Variants in CUX1 observed in about 807,000 individuals in gnomAD.
CUX1 encodes the protein protein CASP.
Under a neutral mutation model 158.8 loss-of-function variants are expected in CUX1, and 31 were observed. The observed-to-expected ratio is 0.20, with a 90% CI of 0.15 to 0.26. The LOEUF (loss-of-function observed/expected upper bound fraction) is 0.26. Among genes scored for constraint, CUX1 ranks in the 10% least tolerant of loss-of-function variants. The pLI is 1.00. For missense variants in CUX1, 1,589 were observed against 2,014.6 expected, an observed-to-expected ratio of 0.79 and a Z score of 4.04; for synonymous variants, 879 against 862.1, an observed-to-expected ratio of 1.02 and a Z score of -0.34.
At chr7:101,993,093 G>A (rs980748135) in intron 2 of CUX1, among the ~76,000 whole-genome samples, 2 of 152,134 alleles carry the variant, frequency 1.3e-5, no homozygotes, top group African/African-American at 4.8e-5. Flanking sequence ...ACTTTGAGAG[G>A]CCAAAGCAGG....
chr7:101,914,176 C>T (rs1021209987), intron 1 of CUX1, among the ~76,000 whole-genome samples: 3 of 152,096 alleles, frequency 2.0e-5, no homozygotes, highest in Admixed American at 6.5e-5. Flanking sequence ...TTCTAGCCCA[C>T]GTTATTCCTT....
intron 1 of CUX1, among the ~76,000 whole-genome samples, chr7:101,868,012 C>T (rs983180583): frequency 1.3e-5 from 2 of 151,994 alleles, no homozygotes; most frequent in Non-Finnish European, 2.9e-5. Context: ...TGCCTGGCCT[C>T]TCTTTTTTAA....
chr7:102,278,145 T>C, intron 18 of CUX1: 3 of 1,052,184 alleles, frequency 2.9e-6, no homozygotes, highest in Admixed American at 2.2e-5. Flanking sequence ...GATGGGAGGG[T>C]CGGGGACCAA....
chr7:102,032,472 C>T (rs1202786133), intron 3 of CUX1, among the ~76,000 whole-genome samples: 3 of 151,764 alleles, frequency 2.0e-5, no homozygotes, highest in Admixed American at 6.6e-5. Context: ...TCGAGACCAG[C>T]CTGGCCAACA....
rs782608499 is a variant in CUX1, at chr7:102,247,212, GA to G, written c.3888-1187del. Among the ~76,000 whole-genome samples the G allele has an allele frequency of 8.9e-3, 1,189 of 133,512 alleles. 4 individuals are homozygous for G. The highest frequency in any genetic ancestry group is 0.065 in the Middle Eastern group (16 of 248). The allele number at this position is 133,512 out of a possible 152,430, so 87.6% of individuals were successfully genotyped here. On this transcript the variant is annotated intron_variant, in intron 23 of 23. Coordinates refer to ENST00000292535, the MANE Select transcript of CUX1 (RefSeq NM_181552.4). ...CTGCCTCTAAGTAAAATAAGGAAAGGAAAAAAAAAAAAAGAAAGAAAAAATA... is the reference window on the plus strand; with the variant it reads ...CTGCCTCTAAGTAAAATAAGGAAAGGAAAAAAAAAAAAGAAAGAAAAAATA...
intron 2 of CUX1, among the ~76,000 whole-genome samples, chr7:101,970,832 A>G (rs927352161): frequency 1.3e-5 from 2 of 152,180 alleles, no homozygotes; most frequent in Non-Finnish European, 2.9e-5. Flanking sequence ...CTAGGATTAC[A>G]GGCGTGAGCC....
intron 4 of CUX1, among the ~76,000 whole-genome samples, chr7:102,077,425 T>G (rs1563211275): frequency 6.6e-6 from 1 of 150,812 alleles, no homozygotes; most frequent in Non-Finnish European, 1.5e-5. Flanking sequence ...CGCAGTGGCT[T>G]ACTCCTATAA....
At chr7:102,003,011 C>T (rs1277601686) in intron 2 of CUX1, among the ~76,000 whole-genome samples, 1 of 152,088 alleles carries the variant, frequency 6.6e-6, no homozygotes, top group Non-Finnish European at 1.5e-5. Context: ...AAGCAATTCT[C>T]CTGCCTCTGC....
chr7:101,911,078 G>T (rs1803377555), intron 1 of CUX1, among the ~76,000 whole-genome samples: 1 of 152,266 alleles, frequency 6.6e-6, no homozygotes, highest in Admixed American at 6.5e-5. Flanking sequence ...AGGGATGCCT[G>T]TGTGCACGTA....
chr7:102,041,029 C>T (rs1219355349), intron 3 of CUX1, among the ~76,000 whole-genome samples: 2 of 151,958 alleles, frequency 1.3e-5, no homozygotes, highest in East Asian at 3.9e-4. Context: ...TGGCTCATGC[C>T]TGTAATACCA....
At chr7:102,078,467 G>C (rs1211818053) in intron 4 of CUX1, among the ~76,000 whole-genome samples, 1 of 152,168 alleles carries the variant, frequency 6.6e-6, no homozygotes, top group Non-Finnish European at 1.5e-5. Context: ...TTCACTGGAA[G>C]CATCTCTTTG....
chr7:101,825,911 G>A (rs867879443), intron 1 of CUX1, among the ~76,000 whole-genome samples: 7 of 151,908 alleles, frequency 4.6e-5, no homozygotes, highest in African/African-American at 1.2e-4. Context: ...CTGCCCATTC[G>A]AAACAGGTCG....
chr7:102,133,562 G>A (rs1394992188), intron 8 of CUX1, among the ~76,000 whole-genome samples: 7 of 126,054 alleles, frequency 5.6e-5, no homozygotes, highest in African/African-American at 1.8e-4. Flanking sequence ...TGCAACCTCC[G>A]CCTCCCGGGT....
rs140831161 is a variant in CUX1 at position 102,275,272 on chromosome 7, C to A, written c.1476C>A (p.Ala492=). 4.3e-6 allele frequency: 7 copies of A among 1,610,530 alleles called. No homozygotes were observed. The African/African-American group carries it at 9.4e-5, about 22-fold the overall frequency. The stretch of plus-strand genomic sequence containing the variant: ...GACCTGCAGCACCAGCCAGCGGTGC[C>A]CTCCCAGAGGGCCAGGTGGATTCAC... Residue 492 remains alanine (A), a synonymous_variant, in exon 17 of 23, where the codon GCC becomes GCA. Coordinates refer to the CUX1 transcript ENST00000292538.
chr7:101,941,377 C>T (rs958067566), intron 2 of CUX1, among the ~76,000 whole-genome samples: 8 of 152,304 alleles, frequency 5.3e-5, no homozygotes, highest in Admixed American at 2.0e-4. Flanking sequence ...ACCTCCTTTG[C>T]GGGTCTGCTT....
intron 22 of CUX1, among the ~76,000 whole-genome samples, chr7:102,234,757 T>TAAAA (rs34652160): frequency 2.7e-5 from 3 of 109,592 alleles, no homozygotes; most frequent in East Asian, 3.0e-4. Context: ...CCCTCACTAC[T>TAAAA]AAAAAAAAAA....
At position 102,255,482 on chromosome 7, in the gene CUX1, T is replaced by C; in HGVS notation, c.*6440T>C. The C allele has an allele frequency of 1.0e-6, 1 of 985,432 alleles. No homozygotes were observed. The highest frequency in any genetic ancestry group is 4.7e-5 in the South Asian group (1 of 21,282). The allele number at this position is 985,432 out of a possible 1,614,324, so 61.0% of individuals were successfully genotyped here. On this transcript the variant is annotated 3_prime_UTR_variant, in exon 24 of 24. Transcript: ENST00000292535. ...CCCCATGCCCCCGTTCTTAAACTCT[T>C]AAGATGCCTTTGAGTTGCTTTTCAT...
At chr7:102,057,208 T>G (rs567251410) in intron 3 of CUX1, among the ~76,000 whole-genome samples, 12 of 152,156 alleles carry the variant, frequency 7.9e-5, no homozygotes, top group Non-Finnish European at 1.6e-4. Flanking sequence ...GCCGAAAGGT[T>G]CTTTTCAAAA....
intron 3 of CUX1, among the ~76,000 whole-genome samples, chr7:102,067,608 G>A (rs534334778): frequency 1.6e-4 from 25 of 151,590 alleles, no homozygotes; most frequent in South Asian, 4.2e-4. Context: ...GACTCCTGCC[G>A]GTGAGTGGAG....
Sources: allele counts gnomAD v4.1 joint callset (sites outside exome capture counted in the v4.1 genomes callset), GRCh38; gene constraint gnomAD v4.1.1; transcripts MANE v1.5; gene names NCBI Gene and HGNC (gene_info 2026-07-23, HGNC 2026-07-21).